Variants in PI4KA observed in about 807,000 individuals in gnomAD.
PI4KA encodes PI4-kinase alpha.
Under a neutral mutation model 271.4 loss-of-function variants are expected in PI4KA, and 122 were observed. The observed-to-expected ratio is 0.45, with a 90% CI of 0.39 to 0.52. The LOEUF (loss-of-function observed/expected upper bound fraction) is 0.52. PI4KA is among the 20% of genes least tolerant of loss of function. PI4KA has a pLI of 0.00. For synonymous variants in PI4KA, 1,041 were observed against 1,078.8 expected (o/e 0.96, Z 0.69); for missense variants, 1,969 against 2,769.1 (o/e 0.71, Z 6.48).
intron 19 of PI4KA, chr22:20,784,323 T>A (rs1458622639): frequency 6.3e-7 from 1 of 1,593,158 alleles, no homozygotes; most frequent in Non-Finnish European, 8.6e-7. Context: ...ATGGATCATT[T>A]TTTTAAAAAG....
At chr22:20,805,374 A>G (rs1259299799) in intron 10 of PI4KA, among the ~76,000 whole-genome samples, 4 of 152,234 alleles carry the variant, frequency 2.6e-5, no homozygotes, top group African/African-American at 9.6e-5. Context: ...CCTGGCAATC[A>G]GAGGAAATGA....
At chr22:20,725,913 T>TAA (rs573929949) in intron 42 of PI4KA, 9,722 of 127,776 alleles carry the variant, frequency 0.076, 331 homozygotes, top group East Asian at 0.084. Flanking sequence ...CCCTGTCTCT[T>TAA]AAAAAAAAAA....
At chr22:20,796,488 T>TG (rs1361122463) in intron 17 of PI4KA, among the ~76,000 whole-genome samples, 174 bp from the exon 18 acceptor site, 4 of 152,212 alleles carry the variant, frequency 2.6e-5, no homozygotes, top group African/African-American at 9.6e-5. Context: ...GTCATCTTCG[T>TG]GAAAAACAAC....
intron 52 of PI4KA, 26 bp from the exon 53 acceptor site, chr22:20,710,023 G>A: frequency 6.7e-7 from 1 of 1,485,532 alleles, no homozygotes. Flanking sequence ...AGGGAGCGGT[G>A]GGCTGAGGCC....
chr22:20,751,287 G>C lies in PI4KA; in HGVS notation c.3153+6C>G. The C allele has an allele frequency of 6.2e-7, 1 of 1,611,524 alleles. No individual in the cohort carries two copies. The highest frequency in any genetic ancestry group is 8.5e-7 in the Non-Finnish European group (1 of 1,177,738). ...CCCTTAGTGCAGGGGATCGTGTCGGGCCTACCTCACGGGCTTCGTACGTGT... is the reference window on the plus strand; with the variant it reads ...CCCTTAGTGCAGGGGATCGTGTCGGCCCTACCTCACGGGCTTCGTACGTGT... On this transcript the variant is annotated splice_donor_region_variant and intron_variant, in intron 27 of 54. Coordinates refer to ENST00000255882, the MANE Select transcript of PI4KA (RefSeq NM_058004.4).
chr22:20,784,961 A>G (rs989286234), intron 19 of PI4KA, among the ~76,000 whole-genome samples: 1 of 152,060 alleles, frequency 6.6e-6, no homozygotes, highest in Non-Finnish European at 1.5e-5. Context: ...TTGCCCGGGT[A>G]GCCAGTCATC....
rs554826031 is a variant in PI4KA, at chr22:20,731,611, T to C, written c.4288+1360A>G. On this transcript the variant is annotated intron_variant, in intron 36 of 54. Coordinates refer to ENST00000255882, the MANE Select transcript of PI4KA (RefSeq NM_058004.4). The stretch of plus-strand genomic sequence containing the variant: ...GAGTTTGAGACCAGCCTGGCCAATA[T>C]GGTGAAGCCCTGTCTCTACTAAAAA... 2.6e-5 allele frequency among the ~76,000 whole-genome samples: 4 copies of C among 152,060 alleles called. No individual in the cohort carries two copies. The East Asian group carries it at 7.7e-4, about 29-fold the overall frequency.
chr22:20,713,280 C>A lies in PI4KA; in HGVS notation c.5571+1G>T. On this transcript the variant is annotated splice_donor_variant, in intron 48 of 54. Transcript: ENST00000255882. LOFTEE classifies it high-confidence loss of function. ...CCTACTCGAGGCCTGACCCTGCTTA[C>A]CTGCCGGCAGTCGTCTCCCACCTTG... 6.4e-7 allele frequency: 1 copy of A among 1,572,818 alleles called. No homozygotes were observed.
Position 20,734,214 on chromosome 22 carries a change from C to A in PI4KA, c.3901-20G>T, listed in dbSNP as rs916480509. ...CAGGAACTGAGCGAAAAGAGGAAGA[C>A]GCTGTGGTGGTGGGGCTGAGCCGGG... On this transcript the variant is annotated intron_variant, in intron 33 of 54. Coordinates refer to ENST00000255882, the MANE Select transcript of PI4KA (RefSeq NM_058004.4). The A allele has an allele frequency of 3.3e-6, 5 of 1,529,782 alleles. No individual in the cohort carries two copies. Among genetic ancestry groups the A allele is most frequent in the Non-Finnish European group, 4.4e-6 (5 of 1,133,776 alleles). The allele number at this position is 1,529,782 out of a possible 1,614,324, so 94.8% of individuals were successfully genotyped here. A position where few individuals can be genotyped will look rare whatever the true frequency, so the allele number is the denominator to read the frequency against.
intron 42 of PI4KA, among the ~76,000 whole-genome samples, chr22:20,723,059 C>A (rs1224806992): frequency 6.6e-6 from 1 of 150,608 alleles, no homozygotes; most frequent in Non-Finnish European, 1.5e-5. Flanking sequence ...GACAGAGTCT[C>A]GCTCTGTCTC....
chr22:20,784,561 A>G (rs188035872), intron 19 of PI4KA, among the ~76,000 whole-genome samples: 4 of 152,184 alleles, frequency 2.6e-5, no homozygotes, highest in Admixed American at 2.6e-4. Flanking sequence ...GTATAATTCC[A>G]TTACTTCCCC....
At chr22:20,796,765 C>T (rs1352253505) in intron 17 of PI4KA, among the ~76,000 whole-genome samples, 3 of 152,258 alleles carry the variant, frequency 2.0e-5, no homozygotes, top group African/African-American at 4.8e-5. Flanking sequence ...TTCTCCCTAA[C>T]GCTGCCTCCA....
intron 1 of PI4KA, among the ~76,000 whole-genome samples, chr22:20,849,593 C>G (rs1002798861): frequency 6.6e-6 from 1 of 152,158 alleles, no homozygotes; most frequent in African/African-American, 2.4e-5. Context: ...TGGCTCACAC[C>G]TGTAATCCCA....
At chr22:20,708,198 C>A in intron 54 of PI4KA, 100 bp from the exon 55 acceptor site, 1 of 888,050 alleles carries the variant, frequency 1.1e-6, no homozygotes, top group East Asian at 2.4e-5. Flanking sequence ...CCCCTTATGG[C>A]TGCCCAGCAC....
rs749575333 is a variant in PI4KA, at chr22:20,712,637, C to A, written c.5677-26G>T. Reference sequence around the variant, plus strand: ...CTAGGAGGAAAGGCCAGTTCTGAGGCCCGCTGGGTGCGAGGTGCCCAGGGC... The same window carrying A: ...CTAGGAGGAAAGGCCAGTTCTGAGGACCGCTGGGTGCGAGGTGCCCAGGGC... On this transcript the variant is annotated intron_variant, in intron 49 of 54. Coordinates refer to ENST00000255882, the MANE Select transcript of PI4KA (RefSeq NM_058004.4). 1.9e-5 allele frequency: 30 copies of A among 1,568,040 alleles called. No homozygotes were observed. The Admixed American group carries it at 5.1e-4, about 27-fold the overall frequency.
rs745914416 is a variant in PI4KA, at chr22:20,727,416, G to A, written c.4774-19C>T. ...CCAGGAACTGCAGAGAAGGTGGGGA[G>A]ATGCTGTGGCTTGGGCAGTCCCGGG... On this transcript the variant is annotated intron_variant, in intron 40 of 54. Transcript: ENST00000255882. 1.9e-6 allele frequency: 3 copies of A among 1,588,404 alleles called. No homozygotes were observed. The highest frequency in any genetic ancestry group is 2.7e-5 in the African/African-American group (2 of 74,044).
intron 45 of PI4KA, among the ~76,000 whole-genome samples, chr22:20,717,189 A>C (rs1926106137): frequency 6.6e-6 from 1 of 152,162 alleles, no homozygotes; most frequent in Non-Finnish European, 1.5e-5. Flanking sequence ...ACAACAACAA[A>C]AAAAGAAATG....
intron 19 of PI4KA, among the ~76,000 whole-genome samples, chr22:20,773,683 A>G (rs1426912516): frequency 6.6e-6 from 1 of 152,172 alleles, no homozygotes; most frequent in Non-Finnish European, 1.5e-5. Context: ...CCCGCCTAGT[A>G]GCTGAGCCAG....
At chr22:20,753,627 A>G (rs114155717) in intron 23 of PI4KA, among the ~76,000 whole-genome samples, 2,101 of 152,276 alleles carry the variant, frequency 0.014, 50 homozygotes, top group African/African-American at 0.048. Context: ...CTTGTCCATG[A>G]TAAGACTAGG....
Sources: allele counts gnomAD v4.1 joint callset (sites outside exome capture counted in the v4.1 genomes callset), GRCh38; gene constraint gnomAD v4.1.1; transcripts MANE v1.5; gene names NCBI Gene and HGNC (gene_info 2026-07-23, HGNC 2026-07-21).